CCDC97: variants seen among roughly 807,000 people sequenced by gnomAD.
The protein encoded by CCDC97 is coiled-coil domain-containing protein 97.
In CCDC97, 27 loss-of-function variants were observed where a neutral mutation model predicts 33.9. The observed-to-expected ratio is 0.80, with a 90% CI of 0.59 to 1.10. The LOEUF (loss-of-function observed/expected upper bound fraction) is 1.10. Among genes scored for constraint, CCDC97 ranks in the 50% least tolerant of loss-of-function variants. The pLI, the probability that CCDC97 is intolerant of heterozygous loss-of-function variation, is 0.00. For missense variants in CCDC97, 422 were observed against 476.6 expected (o/e 0.89, Z 1.07); for synonymous variants, 217 against 194.0 (o/e 1.12, Z -0.99).
Position 41,321,785 on chromosome 19 carries a change from C to T in CCDC97, c.912-810C>T, listed in dbSNP as rs920116456. On this transcript the variant is annotated intron_variant, in intron 4 of 4. Coordinates refer to ENST00000269967, the MANE Select transcript of CCDC97 (RefSeq NM_052848.3). ...AAGGGGCAGAAGGGGCTGGAGCAGT[C>T]GCAAGGGGTCGCAAGGGGGTAGGAG... 2.2e-4 allele frequency among the ~76,000 whole-genome samples: 34 copies of T among 152,132 alleles called. 2 individuals carry two copies. The highest frequency in any genetic ancestry group is 5.9e-5 in the Non-Finnish European group (4 of 68,018).
intron 2 of CCDC97, among the ~76,000 whole-genome samples, chr19:41,318,961 C>A (rs1412484101): frequency 6.6e-6 from 1 of 152,208 alleles, no homozygotes; most frequent in Non-Finnish European, 1.5e-5. Flanking sequence ...AACAGGCACA[C>A]AACCTAGAGA....
chr19:41,319,925 G>A, intron 3 of CCDC97, 73 bp downstream of exon 3: 1 of 740,432 alleles, frequency 1.4e-6, no homozygotes, highest in East Asian at 2.7e-5. Flanking sequence ...CCACTTCATG[G>A]CAGCAGGCTG....
chr19:41,310,862 G>C, intron 1 of CCDC97: 1 of 988,410 alleles, frequency 1.0e-6, no homozygotes, highest in Non-Finnish European at 1.2e-6. Flanking sequence ...ATCCAGCCAG[G>C]CTCCTTTCAA....
chr19:41,312,081 T>TTTTG (rs906330323), intron 1 of CCDC97, among the ~76,000 whole-genome samples: 7 of 152,048 alleles, frequency 4.6e-5, no homozygotes, highest in Admixed American at 2.6e-4. Flanking sequence ...CCATTCAGGT[T>TTTTG]TTTGTTTGTT....
chr19:41,313,261 T>C (rs931914907), intron 1 of CCDC97, among the ~76,000 whole-genome samples: 4 of 152,148 alleles, frequency 2.6e-5, no homozygotes, highest in African/African-American at 9.7e-5. Flanking sequence ...CTCTTGGCTT[T>C]GGTTCTTGTC....
At chr19:41,318,505 T>C (rs778189411) in intron 2 of CCDC97, among the ~76,000 whole-genome samples, 74 of 152,252 alleles carry the variant, frequency 4.9e-4, no homozygotes, top group Non-Finnish European at 7.4e-4. Flanking sequence ...GGGGGTAAGA[T>C]TGCTGGCAGG....
At position 41,316,469 on chromosome 19, in the gene CCDC97, T is replaced by C; in HGVS notation, c.132T>C (p.Ala44=). ...AACCCCAGGACAAAGTGGAAGCAGC[T>C]GAGGCAACACCAGTGGCCCTGGACA... ...PSKPQDKVEA[A]EATPVALDSD... The change falls in exon 2 of 5, where the codon GCT becomes GCC. Residue 44 remains alanine (A), a synonymous_variant. Transcript: ENST00000269967. 6.2e-7 allele frequency: 1 copy of C among 1,614,180 alleles called. No homozygotes were observed. The highest frequency in any genetic ancestry group is 8.5e-7 in the Non-Finnish European group (1 of 1,180,026).
chr19:41,320,154 A>G (rs947956458), intron 3 of CCDC97, among the ~76,000 whole-genome samples, 187 bp from the exon 4 acceptor site: 1 of 152,084 alleles, frequency 6.6e-6, no homozygotes, highest in East Asian at 1.9e-4. Context: ...TCTCCAGAGC[A>G]CTATATGGTC....
Position 41,310,173 on chromosome 19 carries a change from G to A in CCDC97, c.-138G>A. On this transcript the variant is annotated 5_prime_UTR_variant, in exon 1 of 5. Coordinates refer to ENST00000269967, the MANE Select transcript of CCDC97 (RefSeq NM_052848.3). ...CATGCGCAATGCAACGTCTGCCTTAGGCCCGGAACTTCGGTGCCTGGGCGC... is the reference window on the plus strand; with the variant it reads ...CATGCGCAATGCAACGTCTGCCTTAAGCCCGGAACTTCGGTGCCTGGGCGC... 2 of 1,243,454 alleles carry A rather than the reference G, an allele frequency of 1.6e-6. No individual in the cohort carries two copies. Among genetic ancestry groups the A allele is most frequent in the Non-Finnish European group, 2.3e-6 (2 of 882,674 alleles). The allele number at this position is 1,243,454 out of a possible 1,614,324, so 77.0% of individuals were successfully genotyped here.
At chr19:41,319,991 C>G (rs896404702) in intron 3 of CCDC97, 139 bp downstream of exon 3, 150 of 606,586 alleles carry the variant, frequency 2.5e-4, no homozygotes, top group Non-Finnish European at 8.5e-5. Context: ...GCCTGACTCT[C>G]TGTGTATGCC....
At chr19:41,318,113 G>A (rs1212052173) in intron 2 of CCDC97, among the ~76,000 whole-genome samples, 7 of 151,962 alleles carry the variant, frequency 4.6e-5, no homozygotes, top group Non-Finnish European at 2.9e-5. Flanking sequence ...CAGAGCCGGG[G>A]TGGGTGATAA....
rs377515634 is a variant in CCDC97 at position 41,310,321 on chromosome 19, TGGCGAC to T, written c.22_27del (p.Thr8_Ala9del). On this transcript the variant is annotated inframe_deletion, in exon 1 of 5. Transcript: ENST00000269967. ...TCCGAGAGAATCAGGATGGAGGCCG[TGGCGAC>T]GGCGACGGCGGCGAAGGAACCCGAT... 8 of 1,605,208 alleles carry T rather than the reference TGGCGAC, an allele frequency of 5.0e-6. No homozygotes were observed. The highest frequency in any genetic ancestry group is 1.7e-5 in the Admixed American group (1 of 58,896).
At chr19:41,311,554 G>A (rs1423266449) in intron 1 of CCDC97, among the ~76,000 whole-genome samples, 2 of 152,078 alleles carry the variant, frequency 1.3e-5, no homozygotes, top group South Asian at 2.1e-4. Context: ...CCAACATAGC[G>A]AAACCCCATC....
At chr19:41,321,621 G>A (rs1007816958) in intron 4 of CCDC97, among the ~76,000 whole-genome samples, 5 of 152,236 alleles carry the variant, frequency 3.3e-5, no homozygotes, top group African/African-American at 1.2e-4. Context: ...GGGCCATGAG[G>A]AAAAGTGAAG....
chr19:41,322,831 A>C lies in CCDC97; in HGVS notation c.*116A>C. 8.5e-7 allele frequency: 1 copy of C among 1,170,392 alleles called. No individual in the cohort carries two copies. Among genetic ancestry groups the C allele is most frequent in the Non-Finnish European group, 1.2e-6 (1 of 832,738 alleles). The allele number at this position is 1,170,392 out of a possible 1,614,324, so 72.5% of individuals were successfully genotyped here. On this transcript the variant is annotated 3_prime_UTR_variant, in exon 5 of 5. Coordinates refer to ENST00000269967, the MANE Select transcript of CCDC97 (RefSeq NM_052848.3). ...ACATCAGGGCAGTGCCCCACAACCC[A>C]CACACACCACCATCTCACTGGGTCT...
At chr19:41,320,625 A>G (rs771482960) in intron 4 of CCDC97, 155 bp downstream of exon 4, 1 of 915,394 alleles carries the variant, frequency 1.1e-6, no homozygotes, top group Non-Finnish European at 1.6e-6. Context: ...CCAAAGGAAG[A>G]GGCTGGGTGA....
rs946184847 is a variant in CCDC97 at position 41,310,179 on chromosome 19, G to C, written c.-132G>C. The C allele has an allele frequency of 6.1e-6, 8 of 1,318,464 alleles. No individual in the cohort carries two copies. Among genetic ancestry groups the C allele is most frequent in the African/African-American group, 1.5e-5 (1 of 68,724 alleles). 81.7% of individuals were successfully genotyped at this position (1,318,464 alleles called of 1,614,324 possible). A position where few individuals can be genotyped will look rare whatever the true frequency, so the allele number is the denominator to read the frequency against. ...CAATGCAACGTCTGCCTTAGGCCCG[G>C]AACTTCGGTGCCTGGGCGCAGCGGT... is the stretch of plus-strand genomic sequence containing the variant. On this transcript the variant is annotated 5_prime_UTR_variant, in exon 1 of 5. Transcript: ENST00000269967.
intron 1 of CCDC97, among the ~76,000 whole-genome samples, chr19:41,312,081 TTTTGTTTG>T (rs906330323): frequency 2.0e-5 from 3 of 151,930 alleles, no homozygotes; most frequent in Non-Finnish European, 2.9e-5. Flanking sequence ...CCATTCAGGT[TTTTGTTTG>T]TTTGTTTGTT....
Position 41,310,251 on chromosome 19 carries a change from G to A in CCDC97, c.-60G>A. 5 of 1,556,736 alleles carry A rather than the reference G, an allele frequency of 3.2e-6. No homozygotes were observed. Among genetic ancestry groups the A allele is most frequent in the Non-Finnish European group, 4.4e-6 (5 of 1,149,160 alleles). On this transcript the variant is annotated 5_prime_UTR_variant, in exon 1 of 5. It adds an upstream start codon to the 5' untranslated region. Coordinates refer to ENST00000269967, the MANE Select transcript of CCDC97 (RefSeq NM_052848.3). ...TCAGGCGAAAGTGTCTCTTGCGTGC[G>A]TGGGCCGGAGGTTAGTGTGCGGGGC...
Sources: gnomAD v4.1 joint callset for allele counts (sites outside exome capture counted in the v4.1 genomes callset) on GRCh38, gnomAD v4.1.1 for gene constraint, MANE v1.5 for transcripts, NCBI Gene and HGNC (gene_info 2026-07-23, HGNC 2026-07-21) for gene names.